The following UTRN variants were observed in gnomAD, a reference collection of about 807,000 sequenced individuals.
UTRN encodes the protein utrophin.
UTRN carries 283 observed loss-of-function variants against 463.9 expected under a neutral mutation model. That is an observed-to-expected ratio of 0.61 (90% CI 0.55 to 0.67). The LOEUF is 0.67. Among genes scored for constraint, UTRN ranks in the 30% least tolerant of loss-of-function variants. The pLI, the probability that UTRN is intolerant of heterozygous loss-of-function variation, is 0.00. For missense variants in UTRN, 3,922 were observed against 4,084.3 expected (o/e 0.96, Z 1.08); for synonymous variants, 1,442 against 1,431.5 (o/e 1.01, Z -0.17).
intron 50 of UTRN, among the ~76,000 whole-genome samples, chr6:144,558,703 C>T (rs1337112632): frequency 6.6e-6 from 1 of 152,036 alleles, no homozygotes; most frequent in African/African-American, 2.4e-5. Flanking sequence ...ATGGCCATCT[C>T]CAAGACAGAA....
intron 51 of UTRN, among the ~76,000 whole-genome samples, chr6:144,667,199 C>T (rs1221198567): frequency 1.3e-5 from 2 of 152,060 alleles, no homozygotes; most frequent in Non-Finnish European, 2.9e-5. Flanking sequence ...GGATTACAGA[C>T]ATGCACCACC....
intron 2 of UTRN, chr6:144,333,354 T>A (rs1396971976): frequency 6.6e-6 from 1 of 152,210 alleles, no homozygotes; most frequent in Non-Finnish European, 1.5e-5. Flanking sequence ...TTAGAGCCCA[T>A]AAAATAGCTT....
intron 51 of UTRN, among the ~76,000 whole-genome samples, chr6:144,654,829 G>A (rs1228408090): frequency 3.9e-5 from 6 of 152,192 alleles, no homozygotes; most frequent in Non-Finnish European, 8.8e-5. Context: ...TAAATATTTA[G>A]AAGGTTGCTG....
intron 54 of UTRN, among the ~76,000 whole-genome samples, chr6:144,738,732 T>G (rs1789719327): frequency 6.6e-6 from 1 of 152,218 alleles, no homozygotes; most frequent in Admixed American, 6.5e-5. Flanking sequence ...AGAGATTGCA[T>G]TATTTATCCA....
intron 50 of UTRN, among the ~76,000 whole-genome samples, chr6:144,566,029 C>T (rs1800372564): frequency 6.6e-6 from 1 of 151,986 alleles, no homozygotes; most frequent in South Asian, 2.1e-4. Flanking sequence ...GGAAGGAGGA[C>T]AGGAAGGCTT....
chr6:144,484,432 CTTTTTTT>C (rs765122659), intron 27 of UTRN, among the ~76,000 whole-genome samples: 47 of 66,254 alleles, frequency 7.1e-4, no homozygotes, highest in Admixed American at 4.1e-3. Context: ...AAAAACCAAA[CTTTTTTT>C]TTTTTTTTTT....
chr6:144,695,198 T>C (rs1783863579), intron 52 of UTRN, among the ~76,000 whole-genome samples: 1 of 152,098 alleles, frequency 6.6e-6, no homozygotes, highest in South Asian at 2.1e-4. Context: ...CTAATATTTA[T>C]ATGCTAGATC....
intron 2 of UTRN, among the ~76,000 whole-genome samples, chr6:144,360,412 A>G (rs1778979207): frequency 6.6e-6 from 1 of 152,088 alleles, no homozygotes; most frequent in Non-Finnish European, 1.5e-5. Flanking sequence ...ACCTCAAGTG[A>G]TCCATCCACC....
intron 9 of UTRN, among the ~76,000 whole-genome samples, chr6:144,434,106 C>A (rs371859704): frequency 6.6e-6 from 1 of 152,196 alleles, no homozygotes; most frequent in Admixed American, 6.5e-5. Flanking sequence ...CTCGGGAGGC[C>A]GAGGCTGGCG....
chr6:144,433,874 G>T (rs1393458340), intron 9 of UTRN, among the ~76,000 whole-genome samples: 2 of 151,002 alleles, frequency 1.3e-5, no homozygotes, highest in African/African-American at 4.9e-5. Flanking sequence ...CAGCCAGGCA[G>T]AGGGGCTCCT....
intron 51 of UTRN, among the ~76,000 whole-genome samples, chr6:144,597,059 A>C (rs1324613186): frequency 6.6e-6 from 1 of 152,154 alleles, no homozygotes. Context: ...TAACATGGTG[A>C]AACCTTGTCT....
At chr6:144,656,774 ATTTGAC>A (rs1779355994) in intron 51 of UTRN, among the ~76,000 whole-genome samples, 2 of 152,218 alleles carry the variant, frequency 1.3e-5, no homozygotes, top group South Asian at 4.1e-4. Context: ...TGAATAATCT[ATTTGAC>A]TTTAACACTT....
chr6:144,359,658 A>G (rs1778865067), intron 2 of UTRN, among the ~76,000 whole-genome samples: 2 of 151,294 alleles, frequency 1.3e-5, no homozygotes, highest in South Asian at 4.2e-4. Flanking sequence ...AGCATCTATT[A>G]TATTTTTTTT....
intron 9 of UTRN, among the ~76,000 whole-genome samples, chr6:144,432,281 C>G (rs944036076): frequency 6.6e-6 from 1 of 152,222 alleles, no homozygotes; most frequent in Admixed American, 6.5e-5. Context: ...GCAGCCTGCA[C>G]ATTTTTCCTC....
intron 51 of UTRN, among the ~76,000 whole-genome samples, chr6:144,649,299 C>G (rs546873173): frequency 6.6e-6 from 1 of 152,226 alleles, no homozygotes; most frequent in East Asian, 1.9e-4. Context: ...AGGAATGATG[C>G]CTGGTAGGTA....
intron 54 of UTRN, among the ~76,000 whole-genome samples, chr6:144,744,971 A>G (rs1024248146): frequency 2.0e-5 from 3 of 152,188 alleles, no homozygotes; most frequent in Non-Finnish European, 4.4e-5. Context: ...AACCTGTTAG[A>G]ACCACCTGGG....
chr6:144,758,061 TC>T, intron 58 of UTRN, 72 bp downstream of exon 58: 1 of 1,319,846 alleles, frequency 7.6e-7, no homozygotes, highest in Non-Finnish European at 1.1e-6. Context: ...GAGGCTTCTC[TC>T]CCCATAACTT....
Position 144,542,708 on chromosome 6 carries a change from C to T in UTRN, c.6520-87C>T. The T allele has an allele frequency of 1.5e-6, 2 of 1,329,908 alleles. 1 individual carries two copies. Among genetic ancestry groups the T allele is most frequent in the South Asian group, 2.7e-5 (2 of 73,824 alleles). The allele number at this position is 1,329,908 out of a possible 1,614,324, so 82.4% of individuals were successfully genotyped here. ...TAGGGGAAGAAAAGTAGCAGAGCTG[C>T]CATTCAGAATAACACCTCTTCTTTT... is the stretch of plus-strand genomic sequence containing the variant. On this transcript the variant is annotated intron_variant, in intron 45 of 74. Coordinates refer to ENST00000367545, the MANE Select transcript of UTRN (RefSeq NM_007124.3).
chr6:144,811,826 G>A (rs1259145576), intron 65 of UTRN, among the ~76,000 whole-genome samples: 1 of 152,010 alleles, frequency 6.6e-6, no homozygotes, highest in Admixed American at 6.6e-5. Context: ...GTACCAGTTG[G>A]GACTACTGGT....
Sources: allele counts gnomAD v4.1 joint callset (sites outside exome capture counted in the v4.1 genomes callset), GRCh38; gene constraint gnomAD v4.1.1; transcripts MANE v1.5; gene names NCBI Gene and HGNC (gene_info 2026-07-23, HGNC 2026-07-21).